Variants in PTPN18 observed in about 807,000 individuals in gnomAD.
The protein encoded by PTPN18 is protein tyrosine phosphatase non-receptor type 18.
PTPN18 carries 65 observed loss-of-function variants against 65.4 expected under a neutral mutation model. The observed-to-expected ratio is 0.99, with a 90% confidence interval of 0.81 to 1.22. The LOEUF (loss-of-function observed/expected upper bound fraction) is 1.22. Among genes scored for constraint, PTPN18 ranks in the 50% most tolerant of loss-of-function variants. PTPN18 has a pLI of 0.00. For missense variants in PTPN18, 616 were observed against 646.5 expected, an observed-to-expected ratio of 0.95 and a Z score of 0.51; for synonymous variants, 255 against 267.8, an observed-to-expected ratio of 0.95 and a Z score of 0.47.
At chr2:130,362,136 T>C (rs1367257207) in intron 5 of PTPN18, 4 of 470,664 alleles carry the variant, frequency 8.5e-6, no homozygotes, top group African/African-American at 8.0e-5. Context: ...GCCTGATTAA[T>C]TGTTTTTTAT....
In PTPN18 at chr2:130,372,272, C is replaced by T. The variant is rs1198985149; in HGVS notation, c.1029C>T (p.Pro343=). 2.6e-6 allele frequency: 4 copies of T among 1,568,580 alleles called. No individual in the cohort carries two copies. Among genetic ancestry groups the T allele is most frequent in the Non-Finnish European group, 2.6e-6 (3 of 1,166,310 alleles). Residue 343 remains proline (P), a synonymous_variant, in exon 13 of 15, where the codon CCC becomes CCT. Coordinates refer to ENST00000175756, the MANE Select transcript of PTPN18 (RefSeq NM_014369.4). The part of the protein sequence containing the change: ...PGGVLRSISV[P]GSPGHAMADT... ...CTGCCTGCAGGAGCATCTCTGTGCCCGGGTCCCCGGGCCACGCCATGGCTG... is the reference window on the plus strand; with the variant it reads ...CTGCCTGCAGGAGCATCTCTGTGCCTGGGTCCCCGGGCCACGCCATGGCTG...
In PTPN18 at chr2:130,370,746, G is replaced by A; in HGVS notation, c.798G>A (p.Lys266=). 1.2e-6 allele frequency: 2 copies of A among 1,614,214 alleles called. No homozygotes were observed. Among genetic ancestry groups the A allele is most frequent in the Non-Finnish European group, 1.7e-6 (2 of 1,180,034 alleles). ...TCAGTCTCTTTGATGTGGTCCTTAAGATGAGGAAGCAGCGGCCTGCGGCCG... is the reference window on the plus strand; with the variant it reads ...TCAGTCTCTTTGATGTGGTCCTTAAAATGAGGAAGCAGCGGCCTGCGGCCG... ...PDFSLFDVVL[K]MRKQRPAAVQ... The change falls in exon 10 of 15, where the codon AAG becomes AAA. Residue 266 remains lysine (K), a synonymous_variant. Coordinates refer to ENST00000175756, the MANE Select transcript of PTPN18 (RefSeq NM_014369.4).
chr2:130,367,786 T>G (rs1680433804), intron 5 of PTPN18, among the ~76,000 whole-genome samples: 1 of 152,248 alleles, frequency 6.6e-6, no homozygotes, highest in African/African-American at 2.4e-5. Context: ...TTGACTTTCT[T>G]GGATTTGTGG....
intron 5 of PTPN18, among the ~76,000 whole-genome samples, chr2:130,363,825 A>G (rs1358062956): frequency 2.0e-5 from 3 of 152,072 alleles, no homozygotes; most frequent in Admixed American, 6.6e-5. Context: ...GCTATATGGA[A>G]ACTCTATTTT....
chr2:130,359,685 G>GAGGA (rs1680134491), intron 5 of PTPN18, 39 bp downstream of exon 5: 4 of 1,598,452 alleles, frequency 2.5e-6, no homozygotes, highest in Middle Eastern at 3.3e-4. Flanking sequence ...GTCCTTGTGG[G>GAGGA]AGGAGGGAGG....
intron 5 of PTPN18, among the ~76,000 whole-genome samples, chr2:130,362,931 T>C (rs1680267282): frequency 1.3e-5 from 2 of 151,968 alleles, no homozygotes; most frequent in African/African-American, 4.8e-5. Flanking sequence ...GCCATTCTCC[T>C]GCCTCAGCCT....
At chr2:130,366,635 C>T (rs1030409946) in intron 5 of PTPN18, among the ~76,000 whole-genome samples, 4 of 152,112 alleles carry the variant, frequency 2.6e-5, no homozygotes, top group African/African-American at 9.7e-5. Context: ...AATGGTTCCT[C>T]TCAGTTTTTT....
At chr2:130,360,836 CTT>C (rs761633333) in intron 5 of PTPN18, among the ~76,000 whole-genome samples, 5 of 144,988 alleles carry the variant, frequency 3.4e-5, no homozygotes, top group Non-Finnish European at 4.6e-5. Context: ...TCATTTTCCA[CTT>C]TTTTTTTTTT....
intron 2 of PTPN18, 50 bp from the exon 3 acceptor site, chr2:130,359,183 G>C: frequency 1.2e-6 from 2 of 1,606,054 alleles, no homozygotes; most frequent in Non-Finnish European, 1.7e-6. Flanking sequence ...CAGAGGCTCC[G>C]TCACCCTATC....
intron 5 of PTPN18, among the ~76,000 whole-genome samples, chr2:130,361,900 A>G (rs971457408): frequency 1.3e-5 from 2 of 150,586 alleles, no homozygotes; most frequent in African/African-American, 4.9e-5. Flanking sequence ...AAATTTCTTT[A>G]GAGTTTGCAT....
chr2:130,371,266 G>C lies in PTPN18; in HGVS notation c.992G>C (p.Arg331Pro), dbSNP rs113428330. ...CCCCAGGCACTTCTCGCCATACCCC[G>C]CCCACCAGGAGGGGTCCTCAGGTAC... ...RTPQALLAIPRPPGGVLRSIS... is the reference protein window; with the variant it reads ...RTPQALLAIPPPPGGVLRSIS... The change falls in exon 12 of 15, where the codon CGC becomes CCC. Residue 331 changes from arginine (R) to proline (P), a missense_variant. This residue lies in a region of PTPN18 where 368 missense variants were observed against 386.7 expected (regional missense o/e 0.95). Coordinates refer to ENST00000175756, the MANE Select transcript of PTPN18 (RefSeq NM_014369.4). 1.4e-5 allele frequency: 22 copies of C among 1,604,986 alleles called. No individual in the cohort carries two copies. In the Middle Eastern group the frequency reaches 1.2e-3, roughly 85 times the overall value.
In PTPN18 at chr2:130,359,283, G is replaced by A. The variant is rs377115203; in HGVS notation, c.253G>A (p.Asp85Asn). Residue 85 changes from aspartate (D) to asparagine (N), a missense_variant, in exon 3 of 15, where the codon GAC becomes AAC. Physicochemically the swap from Asp to Asn is conservative, Grantham distance 23 (BLOSUM62 1). Coordinates refer to ENST00000175756, the MANE Select transcript of PTPN18 (RefSeq NM_014369.4). ...LSLLQEEGHS[D>N]YINGNFIRGV... is the part of the protein sequence containing the mutation. Reference sequence around the variant, plus strand: ...CCTGCTCCAGGAAGAGGGACACAGCGACTACATTAATGGCAACTTCATCCG... The same window carrying A: ...CCTGCTCCAGGAAGAGGGACACAGCAACTACATTAATGGCAACTTCATCCG... 4.3e-6 allele frequency: 7 copies of A among 1,614,174 alleles called. No individual in the cohort carries two copies. The highest frequency in any genetic ancestry group is 2.2e-5 in the East Asian group (1 of 44,866).
chr2:130,362,357 AAACCT>A (rs1231395784), intron 5 of PTPN18: 5 of 280,920 alleles, frequency 1.8e-5, no homozygotes, highest in Non-Finnish European at 2.8e-5. Context: ...TGTTGGGTTT[AAACCT>A]ACCATCTTGC....
In PTPN18 at chr2:130,374,736, C is replaced by T; in HGVS notation, c.*1512C>T. On this transcript the variant is annotated 3_prime_UTR_variant, in exon 15 of 15. Transcript: ENST00000175756. The stretch of plus-strand genomic sequence containing the variant: ...TGCACTGCCACAGTGCCCTGGGCCC[C>T]ATGTCCACCCCTGTCCTGCCCTTCT... 2.1e-6 allele frequency: 1 copy of T among 469,428 alleles called. No homozygotes were observed. The highest frequency in any genetic ancestry group is 4.4e-6 in the Non-Finnish European group (1 of 226,912). 29.1% of individuals were successfully genotyped at this position (469,428 alleles called of 1,614,324 possible).
intron 5 of PTPN18, among the ~76,000 whole-genome samples, chr2:130,363,185 A>C (rs1680275528): frequency 6.6e-6 from 1 of 150,540 alleles, no homozygotes; most frequent in Admixed American, 6.6e-5. Flanking sequence ...ATGGTGGCTC[A>C]TGCCTGTAAT....
At chr2:130,371,388 T>C (rs578202637) in intron 12 of PTPN18, 101 bp downstream of exon 12, 3 of 1,020,516 alleles carry the variant, frequency 2.9e-6, no homozygotes, top group Non-Finnish European at 4.2e-6. Flanking sequence ...CTTCGCCAAG[T>C]GTTCGCTGGC....
chr2:130,356,071 G>C lies in PTPN18; in HGVS notation c.-37G>C. 8.3e-7 allele frequency: 1 copy of C among 1,207,072 alleles called. No individual in the cohort carries two copies. The allele number at this position is 1,207,072 out of a possible 1,614,324, so 74.8% of individuals were successfully genotyped here. On this transcript the variant is annotated 5_prime_UTR_variant, in exon 1 of 15. Coordinates refer to ENST00000175756, the MANE Select transcript of PTPN18 (RefSeq NM_014369.4). ...CGCGGCGTCCACACTCGCCGCGCGC[G>C]CGGCGGCCGGGCTGGACCTTGCTGG...
chr2:130,356,426 C>T (rs1679973257), intron 1 of PTPN18, among the ~76,000 whole-genome samples: 1 of 152,154 alleles, frequency 6.6e-6, no homozygotes, highest in Non-Finnish European at 1.5e-5. Flanking sequence ...ACGGCCAGGC[C>T]GGGACGGACC....
intron 5 of PTPN18, 180 bp downstream of exon 5, chr2:130,359,826 T>C: frequency 2.7e-6 from 2 of 741,026 alleles, no homozygotes; most frequent in Non-Finnish European, 2.2e-6. Flanking sequence ...TCCCCCAGTG[T>C]TGGCAACCCC....
Sources: gnomAD v4.1 joint callset for allele counts (sites outside exome capture counted in the v4.1 genomes callset) on GRCh38, gnomAD v4.1.1 for gene constraint, gnomAD v4.1.1 regional missense constraint, MANE v1.5 for transcripts, NCBI Gene and HGNC (gene_info 2026-07-23, HGNC 2026-07-21) for gene names.